The following CPNE4 variants were observed in gnomAD, a reference collection of about 807,000 sequenced individuals.
CPNE4 encodes the protein copine-4.
CPNE4 carries 25 observed loss-of-function variants against 67.9 expected under a neutral mutation model. The ratio of observed to expected loss-of-function variants is 0.37; its 90% CI spans 0.27 to 0.51. CPNE4 has a LOEUF of 0.51. CPNE4 is among the 20% of genes least tolerant of loss of function. The pLI is 0.93. For synonymous variants in CPNE4, 242 were observed against 244.9 expected (o/e 0.99, Z 0.11); for missense variants, 464 against 690.8 (o/e 0.67, Z 3.68).
At chr3:131,965,133 A>G (rs112835577) in intron 1 of CPNE4, among the ~76,000 whole-genome samples, 3,418 of 152,310 alleles carry the variant, frequency 0.022, 58 homozygotes, top group South Asian at 0.066. Flanking sequence ...TAAGCTTCAT[A>G]CACAAAGGAG....
chr3:131,545,936 C>A (rs939572251), intron 14 of CPNE4, among the ~76,000 whole-genome samples: 2 of 152,074 alleles, frequency 1.3e-5, no homozygotes, highest in African/African-American at 4.8e-5. Flanking sequence ...GTGGCACGTG[C>A]CTGTAATCCC....
At chr3:131,684,550 T>A (rs1396586977) in intron 6 of CPNE4, among the ~76,000 whole-genome samples, 1 of 152,228 alleles carries the variant, frequency 6.6e-6, no homozygotes, top group Non-Finnish European at 1.5e-5. Context: ...TTGTCTATCA[T>A]AACAATGACA....
chr3:131,981,053 G>A (rs1560730140), intron 1 of CPNE4, among the ~76,000 whole-genome samples: 1 of 152,142 alleles, frequency 6.6e-6, no homozygotes, highest in Non-Finnish European at 1.5e-5. Flanking sequence ...ACCGTCTATG[G>A]GTCTCTCAGT....
intron 2 of CPNE4, among the ~76,000 whole-genome samples, chr3:131,757,430 A>C (rs1177205354): frequency 6.6e-6 from 1 of 152,178 alleles, no homozygotes; most frequent in East Asian, 1.9e-4. Context: ...TGGAACTTTG[A>C]ACTTGAGAGA....
At chr3:131,820,375 A>G (rs1272576429) in intron 2 of CPNE4, among the ~76,000 whole-genome samples, 1 of 152,168 alleles carries the variant, frequency 6.6e-6, no homozygotes, top group African/African-American at 2.4e-5. Flanking sequence ...TGGCCAGGAC[A>G]TTTATCACAC....
At chr3:131,944,922 A>T (rs1355303955) in intron 1 of CPNE4, among the ~76,000 whole-genome samples, 1 of 152,188 alleles carries the variant, frequency 6.6e-6, no homozygotes, top group Non-Finnish European at 1.5e-5. Flanking sequence ...GGGCTGGCAG[A>T]TGTTTCTCCA....
intron 2 of CPNE4, among the ~76,000 whole-genome samples, chr3:131,902,246 G>A (rs2088581911): frequency 6.6e-6 from 1 of 152,078 alleles, no homozygotes; most frequent in South Asian, 2.1e-4. Flanking sequence ...AGGAAGCCGT[G>A]AATCAATTTA....
At chr3:131,596,788 T>G (rs966331203) in intron 7 of CPNE4, among the ~76,000 whole-genome samples, 3 of 152,128 alleles carry the variant, frequency 2.0e-5, no homozygotes, top group Non-Finnish European at 2.9e-5. Context: ...TGCCCTAAAA[T>G]TTCCAGTCTG....
intron 6 of CPNE4, among the ~76,000 whole-genome samples, chr3:131,680,560 T>A (rs2080722046): frequency 6.6e-6 from 1 of 152,160 alleles, no homozygotes; most frequent in Non-Finnish European, 1.5e-5. Context: ...TAATATTTTT[T>A]AATTTCCTTT....
intron 2 of CPNE4, among the ~76,000 whole-genome samples, chr3:131,789,399 G>C (rs561658904): frequency 6.6e-6 from 1 of 152,258 alleles, no homozygotes; most frequent in Admixed American, 6.5e-5. Flanking sequence ...ATGTGATATA[G>C]CAACAAGTCA....
intron 2 of CPNE4, among the ~76,000 whole-genome samples, chr3:131,800,283 T>G: frequency 6.6e-6 from 1 of 152,130 alleles, no homozygotes; most frequent in East Asian, 1.9e-4. Flanking sequence ...TGCCCCTATT[T>G]AACTACTGAG....
intron 2 of CPNE4, among the ~76,000 whole-genome samples, chr3:131,734,047 G>C (rs771396013): frequency 6.6e-6 from 1 of 152,070 alleles, no homozygotes; most frequent in Non-Finnish European, 1.5e-5. Context: ...CAGCTTCCTC[G>C]GGTTCCAACT....
At chr3:131,998,652 C>G (rs1477372196) in intron 1 of CPNE4, among the ~76,000 whole-genome samples, 1 of 151,978 alleles carries the variant, frequency 6.6e-6, no homozygotes, top group Admixed American at 6.6e-5. Flanking sequence ...AGAAACTGTT[C>G]CTATTTATTC....
chr3:131,817,175 A>G (rs2084774961), intron 2 of CPNE4, among the ~76,000 whole-genome samples: 1 of 152,164 alleles, frequency 6.6e-6, no homozygotes, highest in Non-Finnish European at 1.5e-5. Flanking sequence ...TATGGAAAAA[A>G]GAGAAAGCAA....
At chr3:131,842,419 G>A (rs1249842654) in intron 2 of CPNE4, among the ~76,000 whole-genome samples, 2 of 152,150 alleles carry the variant, frequency 1.3e-5, no homozygotes, top group African/African-American at 4.8e-5. Flanking sequence ...GGATCCAGAT[G>A]ACTGCATGAG....
rs199721784 is a variant in CPNE4, at chr3:131,645,293, A to AT, written c.681+24381dup. The stretch of plus-strand genomic sequence containing the variant: ...ATCTCTGCATCTTTTATGTTTGGCC[A>AT]TTTTTTTTTCTTGGAAACACTGACT... On this transcript the variant is annotated intron_variant, in intron 7 of 15. Transcript: ENST00000429747. Among the ~76,000 whole-genome samples, 286 of 151,344 alleles carry AT rather than the reference A, an allele frequency of 1.9e-3. 2 individuals carry two copies. Among genetic ancestry groups the AT allele is most frequent in the South Asian group, 4.2e-3 (20 of 4,784 alleles).
chr3:132,009,303 C>T (rs925810962), intron 1 of CPNE4, among the ~76,000 whole-genome samples: 40 of 152,354 alleles, frequency 2.6e-4, no homozygotes, highest in African/African-American at 9.4e-4. Flanking sequence ...GGAACCTCTG[C>T]TCCTGGGGGA....
At chr3:131,636,525 T>C (rs555303470) in intron 7 of CPNE4, among the ~76,000 whole-genome samples, 6 of 152,136 alleles carry the variant, frequency 3.9e-5, no homozygotes, top group African/African-American at 9.7e-5. Flanking sequence ...GACACTACTA[T>C]CCCTGCCCCC....
In CPNE4 at chr3:131,818,143, A is replaced by C. The variant is rs564962250; in HGVS notation, c.180+87121T>G. Reference sequence around the variant, plus strand: ...TTTTCAATGCCTTACTGTCAGTGTCAAGAAATTGGTTTTTTTTGGGAAAAC... The same window carrying C: ...TTTTCAATGCCTTACTGTCAGTGTCCAGAAATTGGTTTTTTTTGGGAAAAC... On this transcript the variant is annotated intron_variant, in intron 2 of 15. Transcript: ENST00000429747. Among the ~76,000 whole-genome samples, 16 of 152,340 alleles carry C rather than the reference A, an allele frequency of 1.1e-4. 1 individual carries two copies. The South Asian group carries it at 3.1e-3, about 30-fold the overall frequency.
Sources: gnomAD v4.1 joint callset for allele counts (sites outside exome capture counted in the v4.1 genomes callset) on GRCh38, gnomAD v4.1.1 for gene constraint, MANE v1.5 for transcripts, NCBI Gene and HGNC (gene_info 2026-07-23, HGNC 2026-07-21) for gene names.